PRRX1: variants seen among roughly 807,000 people sequenced by gnomAD.
PRRX1 encodes paired mesoderm homeobox protein 1.
Under a neutral mutation model 24.0 loss-of-function variants are expected in PRRX1, and 8 were observed. The observed-to-expected ratio is 0.33, with a 90% CI of 0.20 to 0.60. The LOEUF is 0.60. PRRX1 is among the 20% of genes least tolerant of loss of function. PRRX1 has a pLI of 0.82. For synonymous variants in PRRX1, 160 were observed against 131.7 expected (o/e 1.22, Z -1.47); for missense variants, 281 against 322.4 (o/e 0.87, Z 0.98).
At chr1:170,719,167 G>A (rs1224757293) in intron 1 of PRRX1, among the ~76,000 whole-genome samples, 1 of 152,200 alleles carries the variant, frequency 6.6e-6, no homozygotes, top group Non-Finnish European at 1.5e-5. Context: ...AGTGAATGGT[G>A]TTAGAAATTA....
intron 1 of PRRX1, among the ~76,000 whole-genome samples, chr1:170,717,042 C>A (rs1006837151): frequency 1.3e-5 from 2 of 152,220 alleles, no homozygotes; most frequent in African/African-American, 4.8e-5. Context: ...CTCATCGTCT[C>A]TTTCTATTAT....
rs182710048 is a variant in PRRX1 at position 170,684,625 on chromosome 1, C to T, written c.241+20166C>T. On this transcript the variant is annotated intron_variant, in intron 1 of 3. Coordinates refer to ENST00000239461, the MANE Select transcript of PRRX1 (RefSeq NM_022716.4). ...AAAATTAGCTGGGTGTGGTGGTACA[C>T]GCCTGTAATCCCAGCTACTCAGGAG... 3.1e-3 allele frequency among the ~76,000 whole-genome samples: 474 copies of T among 152,094 alleles called. 4 individuals carry two copies. Among genetic ancestry groups the T allele is most frequent in the African/African-American group, 0.011 (455 of 41,466 alleles).
chr1:170,674,231 C>A (rs571078417), intron 1 of PRRX1, among the ~76,000 whole-genome samples: 1 of 150,548 alleles, frequency 6.6e-6, no homozygotes, highest in Admixed American at 6.6e-5. Context: ...TGCGCGCTTG[C>A]GCACGCACGC....
rs549892255 is a variant in PRRX1, at chr1:170,715,936, G to A, written c.242-3790G>A. Among the ~76,000 whole-genome samples, 8 of 152,274 alleles carry A rather than the reference G, an allele frequency of 5.3e-5. No homozygotes were observed. In the East Asian group the frequency reaches 7.7e-4, roughly 15 times the overall value. Reference sequence around the variant, plus strand: ...CTTTGTTGTTTCTCTCTTGCACAGCGTGTATGTTGTCATCTGCACTTAAGA... The same window carrying A: ...CTTTGTTGTTTCTCTCTTGCACAGCATGTATGTTGTCATCTGCACTTAAGA... On this transcript the variant is annotated intron_variant, in intron 1 of 3. Coordinates refer to ENST00000239461, the MANE Select transcript of PRRX1 (RefSeq NM_022716.4).
intron 1 of PRRX1, among the ~76,000 whole-genome samples, chr1:170,678,055 T>C (rs149691100): frequency 8.5e-4 from 129 of 152,316 alleles, no homozygotes; most frequent in African/African-American, 2.6e-3. Flanking sequence ...CCACTGAGAT[T>C]TCTGTGGGTT....
rs983134232 is a variant in PRRX1 at position 170,738,946 on chromosome 1, A to G, written c.*2760A>G. The G allele has an allele frequency of 1.8e-5, 4 of 227,256 alleles. No homozygotes were observed. The highest frequency in any genetic ancestry group is 8.9e-5 in the African/African-American group (4 of 45,086). The allele number at this position is 227,256 out of a possible 1,614,324, so 14.1% of individuals were successfully genotyped here. ...TGGTGAACCAATACCATAAGCATGT[A>G]TTATCTAAGCACTTGATCAAGAAAT... On this transcript the variant is annotated 3_prime_UTR_variant, in exon 4 of 4. Coordinates refer to ENST00000239461, the MANE Select transcript of PRRX1 (RefSeq NM_022716.4).
rs78955308 is a variant in PRRX1, at chr1:170,683,224, G to T, written c.241+18765G>T. Among the ~76,000 whole-genome samples the T allele has an allele frequency of 1.7e-3, 264 of 152,296 alleles. 10 individuals carry two copies. In the East Asian group the frequency reaches 0.047, roughly 27 times the overall value. On this transcript the variant is annotated intron_variant, in intron 1 of 3. Transcript: ENST00000239461. ...ATGGATATTAGAGGAAGAAGGAGAA[G>T]CAGTTAGGAGGTTATTGCAACAGGC...
rs188869741 is a variant in PRRX1, at chr1:170,694,710, T to C, written c.242-25016T>C. ...ATTCAGGACTTCTGCTATTTTACAA[T>C]GAAAGCAGATTGTAAATGAAACTTT... On this transcript the variant is annotated intron_variant, in intron 1 of 3. Transcript: ENST00000239461. Among the ~76,000 whole-genome samples the C allele has an allele frequency of 9.2e-5, 14 of 152,292 alleles. No individual in the cohort carries two copies. The East Asian group carries it at 2.5e-3, about 27-fold the overall frequency.
At chr1:170,712,586 G>A (rs1654784840) in intron 1 of PRRX1, among the ~76,000 whole-genome samples, 1 of 152,182 alleles carries the variant, frequency 6.6e-6, no homozygotes, top group Admixed American at 6.5e-5. Context: ...CATTATGGTA[G>A]CACTGGTAGA....
At chr1:170,735,074 T>G (rs1404538719) in intron 3 of PRRX1, among the ~76,000 whole-genome samples, 1 of 152,190 alleles carries the variant, frequency 6.6e-6, no homozygotes, top group Non-Finnish European at 1.5e-5. Context: ...AAAACATTTT[T>G]ATTGAAGTAA....
intron 2 of PRRX1, among the ~76,000 whole-genome samples, chr1:170,721,546 C>T (rs1245479707): frequency 1.3e-5 from 2 of 152,108 alleles, no homozygotes; most frequent in African/African-American, 4.8e-5. Flanking sequence ...ACAGGGACCT[C>T]ACCAAGAAGT....
rs1485111813 is a variant in PRRX1 at position 170,719,768 on chromosome 1, G to A, written c.284G>A (p.Arg95Gln). 8 of 1,614,080 alleles carry A rather than the reference G, an allele frequency of 5.0e-6. No individual in the cohort carries two copies. The highest frequency in any genetic ancestry group is 2.2e-5 in the East Asian group (1 of 44,892). The change falls in exon 2 of 4, where the codon CGA becomes CAA. Residue 95 changes from arginine to glutamine, a missense_variant. Physicochemically the swap from Arg to Gln is conservative, Grantham distance 43. Coordinates refer to ENST00000239461, the MANE Select transcript of PRRX1 (RefSeq NM_022716.4). The stretch of plus-strand genomic sequence containing the variant: ...GAAGAAAAAAAGAAGAGAAAGCAGC[G>A]AAGGAATAGGACAACCTTCAATAGC... ...NSEEKKKRKQ[R>Q]RNRTTFNSSQ...
intron 1 of PRRX1, among the ~76,000 whole-genome samples, chr1:170,710,673 G>A (rs1006951991): frequency 1.3e-5 from 2 of 152,130 alleles, no homozygotes; most frequent in Non-Finnish European, 2.9e-5. Flanking sequence ...ACCTTTGAAA[G>A]GTAATAAGGT....
At chr1:170,729,753 T>TTCCCTATCACGGACACTGTTG in intron 3 of PRRX1, among the ~76,000 whole-genome samples, 1 of 152,338 alleles carries the variant, frequency 6.6e-6, no homozygotes, top group Admixed American at 6.5e-5. Context: ...GGACAAAGCA[T>TTCCCTATCACGGACACTGTTG]TCCCTATCAC....
chr1:170,671,839 G>A (rs1217324402), intron 1 of PRRX1, among the ~76,000 whole-genome samples: 2 of 152,128 alleles, frequency 1.3e-5, no homozygotes, highest in Non-Finnish European at 2.9e-5. Context: ...GTTCCATGGC[G>A]GAGGAGAGGG....
At chr1:170,671,469 C>T (rs555231438) in intron 1 of PRRX1, among the ~76,000 whole-genome samples, 2 of 152,360 alleles carry the variant, frequency 1.3e-5, no homozygotes, top group East Asian at 3.9e-4. Flanking sequence ...CTGCTTTCCG[C>T]CGGGTAAATT....
chr1:170,686,137 A>C (rs1206870102), intron 1 of PRRX1, among the ~76,000 whole-genome samples: 1 of 127,270 alleles, frequency 7.9e-6, no homozygotes, highest in Non-Finnish European at 1.7e-5. Context: ...TTAAAACAAC[A>C]TTACATTAAA....
At chr1:170,696,454 A>T (rs992652645) in intron 1 of PRRX1, among the ~76,000 whole-genome samples, 8 of 152,084 alleles carry the variant, frequency 5.3e-5, no homozygotes, top group Non-Finnish European at 1.2e-4. Context: ...TCCAGAAGAG[A>T]TGTGGTCAAG....
In PRRX1 at chr1:170,664,431, C is replaced by A; in HGVS notation, c.213C>A (p.Thr71=). ...GCCTGCTGGAGTCGCCGGGACTCACCAGCGGCAGCGACACCCCGCAGCAGG... is the reference window on the plus strand; with the variant it reads ...GCCTGCTGGAGTCGCCGGGACTCACAAGCGGCAGCGACACCCCGCAGCAGG... The part of the protein sequence containing the change: ...GRSLLESPGL[T]SGSDTPQQDN... The change falls in exon 1 of 4, where the codon ACC becomes ACA. Residue 71 remains threonine (T), a synonymous_variant. Coordinates refer to ENST00000239461, the MANE Select transcript of PRRX1 (RefSeq NM_022716.4). 1 of 1,607,130 alleles carries A rather than the reference C, an allele frequency of 6.2e-7. No homozygotes were observed. Among genetic ancestry groups the A allele is most frequent in the East Asian group, 2.2e-5 (1 of 44,644 alleles).
Sources: allele counts gnomAD v4.1 joint callset (sites outside exome capture counted in the v4.1 genomes callset), GRCh38; gene constraint gnomAD v4.1.1; transcripts MANE v1.5; gene names NCBI Gene and HGNC (gene_info 2026-07-23, HGNC 2026-07-21).